The following DDX10 variants were observed in gnomAD, a reference collection of about 807,000 sequenced individuals.
DDX10 encodes DEAD-box helicase 10.
A neutral mutation model predicts 104.3 loss-of-function variants in DDX10; 74 were observed. That is an observed-to-expected ratio of 0.71 (90% CI 0.59 to 0.86). The LOEUF (loss-of-function observed/expected upper bound fraction) is 0.86, where lower values mean the gene tolerates loss of function less well. DDX10 is among the 40% of genes least tolerant of loss of function. DDX10 has a pLI of 0.00. For missense variants in DDX10, 952 were observed against 1,040.0 expected (o/e 0.92, Z 1.16); for synonymous variants, 351 against 353.4 (o/e 0.99, Z 0.08).
chr11:108,827,999 T>C (rs1862418995), intron 13 of DDX10, among the ~76,000 whole-genome samples: 1 of 152,228 alleles, frequency 6.6e-6, no homozygotes, highest in African/African-American at 2.4e-5. Context: ...TTCACATTGA[T>C]GTACAACCAA....
intron 1 of DDX10, among the ~76,000 whole-genome samples, chr11:108,667,772 T>G (rs2094211927): frequency 6.6e-6 from 1 of 152,254 alleles, no homozygotes; most frequent in Admixed American, 6.5e-5. Flanking sequence ...AAAGGTACTC[T>G]TCCTTCAAGA....
intron 16 of DDX10, among the ~76,000 whole-genome samples, chr11:108,862,842 CATTT>C (rs1862958984): frequency 6.6e-6 from 1 of 152,078 alleles, no homozygotes; most frequent in African/African-American, 2.4e-5. Context: ...ATTGAATTGG[CATTT>C]ATTTAGAATA....
chr11:108,896,041 G>C (rs1863436144), intron 16 of DDX10, among the ~76,000 whole-genome samples: 1 of 152,096 alleles, frequency 6.6e-6, no homozygotes, highest in South Asian at 2.1e-4. Context: ...TCGTTCAGAG[G>C]AAGTGACTCA....
intron 13 of DDX10, among the ~76,000 whole-genome samples, chr11:108,798,456 C>T (rs1346009081): frequency 1.3e-5 from 2 of 152,140 alleles, no homozygotes; most frequent in African/African-American, 2.4e-5. Flanking sequence ...TCCTGGTTTT[C>T]TCCTCCCATC....
chr11:108,801,071 A>G (rs1382477092), intron 13 of DDX10, among the ~76,000 whole-genome samples: 1 of 152,228 alleles, frequency 6.6e-6, no homozygotes, highest in Non-Finnish European at 1.5e-5. Flanking sequence ...GAAGACGAGG[A>G]TAGTGCATCT....
At chr11:108,919,676 T>G (rs927504740) in intron 17 of DDX10, 1 of 152,258 alleles carries the variant, frequency 6.6e-6, no homozygotes, top group Non-Finnish European at 1.5e-5. Context: ...CTATCTAATA[T>G]ACCTTTAAAA....
intron 9 of DDX10, among the ~76,000 whole-genome samples, chr11:108,696,179 CTGTTT>C (rs147648826): frequency 0.048 from 7,263 of 151,694 alleles, 233 homozygotes; most frequent in Middle Eastern, 0.11. Context: ...TTGTTTTGTT[CTGTTT>C]TGTTTTTTTT....
chr11:108,715,271 T>C (rs763433580), intron 10 of DDX10, among the ~76,000 whole-genome samples: 6 of 152,158 alleles, frequency 3.9e-5, no homozygotes, highest in Non-Finnish European at 8.8e-5. Context: ...CTCAGCACTT[T>C]GGGAATCCAA....
chr11:108,882,598 A>G (rs921053234), intron 16 of DDX10, among the ~76,000 whole-genome samples: 1 of 152,218 alleles, frequency 6.6e-6, no homozygotes, highest in Non-Finnish European at 1.5e-5. Context: ...TATTGTGTAG[A>G]TAATAAGGTA....
intron 13 of DDX10, among the ~76,000 whole-genome samples, chr11:108,761,536 T>C (rs957471750): frequency 6.6e-6 from 1 of 152,134 alleles, no homozygotes; most frequent in Non-Finnish European, 1.5e-5. Flanking sequence ...ACAGTTTTCC[T>C]ATCATTGTGT....
At chr11:108,671,988 G>A (rs2094217659) in intron 1 of DDX10, among the ~76,000 whole-genome samples, 1 of 150,802 alleles carries the variant, frequency 6.6e-6, no homozygotes, top group Non-Finnish European at 1.5e-5. Flanking sequence ...GTGAACCCGG[G>A]AGGTGGAGCT....
intron 16 of DDX10, among the ~76,000 whole-genome samples, chr11:108,914,644 A>C (rs949232336): frequency 6.6e-6 from 1 of 152,192 alleles, no homozygotes; most frequent in Non-Finnish European, 1.5e-5. Context: ...TTCTACAAAA[A>C]TATTAGACAT....
intron 13 of DDX10, among the ~76,000 whole-genome samples, chr11:108,805,911 A>G (rs1442091120): frequency 7.9e-5 from 12 of 152,190 alleles, no homozygotes; most frequent in Admixed American, 7.2e-4. Context: ...ATAATAAACT[A>G]TAATCTTTCT....
chr11:108,691,370 A>G (rs2134450281), intron 7 of DDX10, among the ~76,000 whole-genome samples: 1 of 152,354 alleles, frequency 6.6e-6, no homozygotes, highest in East Asian at 1.9e-4. Context: ...AATCCATAGT[A>G]TCCATTTATG....
At chr11:108,796,978 T>C (rs2134553396) in intron 13 of DDX10, among the ~76,000 whole-genome samples, 1 of 152,304 alleles carries the variant, frequency 6.6e-6, no homozygotes, top group Non-Finnish European at 1.5e-5. Context: ...TCCCAGTCTC[T>C]GGAAGTGTGA....
At chr11:108,733,596 A>G (rs1299265945) in intron 13 of DDX10, among the ~76,000 whole-genome samples, 3 of 152,138 alleles carry the variant, frequency 2.0e-5, no homozygotes, top group African/African-American at 7.2e-5. Context: ...AAGCGCTAGC[A>G]CTGGAGTCTG....
intron 10 of DDX10, among the ~76,000 whole-genome samples, chr11:108,714,300 C>T (rs1372515080): frequency 1.3e-5 from 2 of 152,182 alleles, no homozygotes; most frequent in Non-Finnish European, 2.9e-5. Context: ...CTGCCTCCCC[C>T]AGTTGTTTCT....
intron 16 of DDX10, among the ~76,000 whole-genome samples, chr11:108,885,448 C>T (rs1049418542): frequency 1.3e-5 from 2 of 151,684 alleles, no homozygotes; most frequent in African/African-American, 4.9e-5. Context: ...ACCTCTGCCT[C>T]CTGGGTTCAA....
chr11:108,717,836 A>G lies in DDX10; in HGVS notation c.1410+1870A>G, dbSNP rs186623922. On this transcript the variant is annotated intron_variant, in intron 11 of 17. Coordinates refer to ENST00000322536, the MANE Select transcript of DDX10 (RefSeq NM_004398.4). ...AGGTGGTATTGATTTGACTGTACAA[A>G]TGGGTAAATGCTAGCTTGAAAATTA... Among the ~76,000 whole-genome samples the G allele has an allele frequency of 3.3e-3, 496 of 152,234 alleles. 2 individuals carry two copies. The highest frequency in any genetic ancestry group is 8.6e-3 in the Admixed American group (132 of 15,298).
Sources: gnomAD v4.1 joint callset for allele counts (sites outside exome capture counted in the v4.1 genomes callset) on GRCh38, gnomAD v4.1.1 for gene constraint, MANE v1.5 for transcripts, NCBI Gene and HGNC (gene_info 2026-07-23, HGNC 2026-07-21) for gene names.